Variants in DET1 observed in about 807,000 individuals in gnomAD.
The protein encoded by DET1 is DET1 homolog.
A neutral mutation model predicts 43.7 loss-of-function variants in DET1; 22 were observed. That is an observed-to-expected ratio of 0.50 (90% CI 0.36 to 0.72). The LOEUF is 0.72. Ranked by LOEUF, DET1 falls within the 30% of genes least tolerant of loss-of-function variation. The probability of loss-of-function intolerance (pLI) is 0.00; values close to 1 mark genes in which losing one functional copy is unlikely to be tolerated. For missense variants in DET1, 713 were observed against 713.3 expected, an observed-to-expected ratio of 1.00 and a Z score of 0.00; for synonymous variants, 315 against 266.2, an observed-to-expected ratio of 1.18 and a Z score of -1.79.
intron 7 of DET1, chr15:88,505,663 C>G (rs938323317): frequency 1.3e-5 from 2 of 152,188 alleles, no homozygotes; most frequent in East Asian, 1.9e-4. Context: ...CAACTGCTGC[C>G]TTGCTGACAC....
chr15:88,531,390 A>G lies in DET1; in HGVS notation c.316T>C (p.Ser106Pro). Reference sequence around the variant, plus strand: ...ACTGACCGCTGGTCATTGCCATTGGACAGGATTTCTCCTTCGTATCCCTGC... The same window carrying G: ...ACTGACCGCTGGTCATTGCCATTGGGCAGGATTTCTCCTTCGTATCCCTGC... ...LLQGYEGEIL[S>P]NGNDQRSVNI... Residue 106 changes from serine to proline, a missense_variant, in exon 2 of 5, where the codon TCC becomes CCC. Transcript: ENST00000268148. This position sits in a 1 kb window ranked among gnomAD's most constrained non-coding sequence, Gnocchi z 6.2. 6 of 1,614,032 alleles carry G rather than the reference A, an allele frequency of 3.7e-6. No individual in the cohort carries two copies. Among genetic ancestry groups the G allele is most frequent in the Non-Finnish European group, 5.1e-6 (6 of 1,179,896 alleles).
rs780514524 is a variant in DET1 at position 88,527,561 on chromosome 15, C to G, written c.1271+38G>C. ...AGCTATTGGCCTAACACCAATTTTT[C>G]TAAAGAAAAGACTGTTGAGTCTGGT... On this transcript the variant is annotated intron_variant, in intron 3 of 4. Transcript: ENST00000268148. 3.5e-5 allele frequency: 53 copies of G among 1,522,128 alleles called. 4 individuals are homozygous for G. In the South Asian group the frequency reaches 6.8e-4, roughly 20 times the overall value. 94.3% of individuals were successfully genotyped at this position (1,522,128 alleles called of 1,614,324 possible). A position where few individuals can be genotyped will look rare whatever the true frequency, so the allele number is the denominator to read the frequency against.
At chr15:88,540,685 C>A (rs2057083456) in intron 1 of DET1, among the ~76,000 whole-genome samples, 1 of 144,770 alleles carries the variant, frequency 6.9e-6, no homozygotes, top group Admixed American at 6.9e-5. Context: ...GACCTTAGCC[C>A]CAACCCCGTG....
chr15:88,527,589 A>G lies in DET1; in HGVS notation c.1271+10T>C. 6.3e-7 allele frequency: 1 copy of G among 1,585,494 alleles called. No homozygotes were observed. The highest frequency in any genetic ancestry group is 8.6e-7 in the Non-Finnish European group (1 of 1,164,260). On this transcript the variant is annotated intron_variant, in intron 3 of 4. Transcript: ENST00000268148. ...AAGAAAAGACTGTTGAGTCTGGTGG[A>G]ACAGCTTACCGGCGCTGGATCTGCC... is the stretch of plus-strand genomic sequence containing the variant.
chr15:88,534,598 C>T lies in DET1; in HGVS notation c.-10-2883G>A, dbSNP rs115782586. ...GTAACATCATGAAGTTGTTCATGAA[C>T]TCCCAAGCTGCACACGTGTGGATCT... On this transcript the variant is annotated intron_variant, in intron 1 of 4. Transcript: ENST00000268148. Among the ~76,000 whole-genome samples, 830 of 152,308 alleles carry T rather than the reference C, an allele frequency of 5.4e-3. 10 individuals carry two copies. The highest frequency in any genetic ancestry group is 0.019 in the African/African-American group (786 of 41,562).
At chr15:88,536,444 G>C in intron 1 of DET1, 3 of 668,620 alleles carry the variant, frequency 4.5e-6, no homozygotes, top group South Asian at 1.7e-5. Context: ...GCAACAATTG[G>C]TATGAGCCTT....
In DET1 at chr15:88,516,769, A is replaced by G. The variant is rs770517797; in HGVS notation, c.1463+13T>C. ...CCCTTGAGCAGTTTGTAGCTATAGC[A>G]GTGACACTGTACCTGATTGGGTGAT... On this transcript the variant is annotated intron_variant, in intron 4 of 4. Transcript: ENST00000268148. This position sits in a 1 kb window ranked among gnomAD's most constrained non-coding sequence, Gnocchi z 4.4. 5 of 1,542,344 alleles carry G rather than the reference A, an allele frequency of 3.2e-6. No homozygotes were observed. In the East Asian group the frequency reaches 1.2e-4, roughly 37 times the overall value.
chr15:88,541,884 A>ACGT (rs1404585786), intron 1 of DET1, among the ~76,000 whole-genome samples: 1 of 151,888 alleles, frequency 6.6e-6, no homozygotes, highest in Non-Finnish European at 1.5e-5. Flanking sequence ...CTTCGAGGAG[A>ACGT]CGTCCCCTGT....
chr15:88,514,784 T>C (rs1466077623), intron 4 of DET1, among the ~76,000 whole-genome samples: 1 of 152,258 alleles, frequency 6.6e-6, no homozygotes, highest in East Asian at 1.9e-4. Flanking sequence ...TGGCATTCTC[T>C]CTTCAAATGC....
intron 1 of DET1, among the ~76,000 whole-genome samples, chr15:88,536,914 A>G (rs2056967943): frequency 6.6e-6 from 1 of 152,190 alleles, no homozygotes; most frequent in African/African-American, 2.4e-5. Flanking sequence ...AGAGTGAGTG[A>G]TAAGAGAGGC....
intron 2 of DET1, among the ~76,000 whole-genome samples, chr15:88,528,206 T>G (rs1245808469): frequency 6.6e-6 from 1 of 152,280 alleles, no homozygotes; most frequent in African/African-American, 2.4e-5. Flanking sequence ...AATGCCAGAT[T>G]TAATTTTCTT....
chr15:88,511,301 T>G (rs2056198471), downstream of DET1: 1 of 625,008 alleles, frequency 1.6e-6, no homozygotes, highest in Non-Finnish European at 2.0e-6. Context: ...TCGTATTATG[T>G]CTTCTACTAC....
intron 3 of DET1, among the ~76,000 whole-genome samples, chr15:88,525,258 A>G (rs1567064089): frequency 6.6e-6 from 1 of 152,240 alleles, no homozygotes. Context: ...ATCCTCTGCA[A>G]CTGCTTAAAT....
At chr15:88,503,673 A>T (rs1384060383) in intron 8 of DET1, 1 of 152,238 alleles carries the variant, frequency 6.6e-6, no homozygotes, top group East Asian at 1.9e-4. Flanking sequence ...ATATTGCTAC[A>T]CAACAAATTA....
intron 3 of DET1, among the ~76,000 whole-genome samples, chr15:88,523,864 G>A (rs1185569783): frequency 3.3e-5 from 5 of 151,906 alleles, no homozygotes; most frequent in African/African-American, 1.2e-4. Context: ...CCGCCACCCC[G>A]TCTGGGAAGT....
Position 88,530,820 on chromosome 15 carries a change from T to G in DET1, c.886A>C (p.Lys296Gln). 6.2e-7 allele frequency: 1 copy of G among 1,613,938 alleles called. No individual in the cohort carries two copies. Among genetic ancestry groups the G allele is most frequent in the Non-Finnish European group, 8.5e-7 (1 of 1,179,860 alleles). ...PFRDPFINSL[K>Q]HRLLVYLWRR... Reference sequence around the variant, plus strand: ...CACAAATATACCAGCAACCGGTGTTTGAGGGAATTGATGAAAGGATCCCTA... The same window carrying G: ...CACAAATATACCAGCAACCGGTGTTGGAGGGAATTGATGAAAGGATCCCTA... Residue 296 changes from lysine to glutamine, a missense_variant, in exon 2 of 5, where the codon AAA becomes CAA. Lys to Gln is a moderately conservative substitution (Grantham distance 53). Transcript: ENST00000268148.
chr15:88,512,021 G>A (rs1441214804), downstream of DET1, among the ~76,000 whole-genome samples: 1 of 152,222 alleles, frequency 6.6e-6, no homozygotes, highest in Admixed American at 6.5e-5. Flanking sequence ...TGTGACAGAG[G>A]ATGTGGCTGG....
intron 1 of DET1, among the ~76,000 whole-genome samples, chr15:88,541,917 C>G (rs2057117748): frequency 6.6e-6 from 1 of 152,196 alleles, no homozygotes; most frequent in African/African-American, 2.4e-5. Context: ...CAATTGCCTC[C>G]CGGCTGTGAC....
chr15:88,520,543 C>G (rs1488223444), intron 3 of DET1, among the ~76,000 whole-genome samples: 1 of 152,206 alleles, frequency 6.6e-6, no homozygotes, highest in Non-Finnish European at 1.5e-5. Context: ...ATCTTCTCCC[C>G]TAAACCTGCT....
Sources: gnomAD v4.1 joint callset for allele counts (sites outside exome capture counted in the v4.1 genomes callset) on GRCh38, gnomAD v4.1.1 for gene constraint, Gnocchi (gnomAD v3.1) non-coding constraint, MANE v1.5 for transcripts, NCBI Gene and HGNC (gene_info 2026-07-23, HGNC 2026-07-21) for gene names.